DMD: variants seen among roughly 807,000 people sequenced by gnomAD.
DMD encodes dystrophin, also known as mutant dystrophin.
Under a neutral mutation model 330.1 loss-of-function variants are expected in DMD, and 63 were observed. That is an observed-to-expected ratio of 0.19 (90% CI 0.16 to 0.24). The LOEUF (loss-of-function observed/expected upper bound fraction) is 0.24. Among genes scored for constraint, DMD ranks in the 10% least tolerant of loss-of-function variants. The pLI, the probability that DMD is intolerant of heterozygous loss-of-function variation, is 1.00. For synonymous variants in DMD, 1,223 were observed against 959.8 expected (o/e 1.27, Z -5.07); for missense variants, 3,344 against 2,684.1 (o/e 1.25, Z -5.43).
chrX:31,542,188 G>A (rs1437862325), intron 55 of DMD, among the ~76,000 whole-genome samples: 2 of 111,795 alleles, frequency 1.8e-5, no homozygotes, highest in African/African-American at 3.3e-5. Context: ...GGACGCTATG[G>A]GGACATAGAT....
At chrX:32,554,931 A>AAGAG (rs1491172703) in intron 16 of DMD, among the ~76,000 whole-genome samples, 2 of 28,969 alleles carry the variant, frequency 6.9e-5, no homozygotes, top group Admixed American at 9.1e-4. Flanking sequence ...GAAAGAAAGA[A>AAGAG]AGAAAGAAAG....
chrX:33,322,407 T>G (rs1441004106), intron 1 of DMD, among the ~76,000 whole-genome samples: 1 of 110,243 alleles, frequency 9.1e-6, no homozygotes, highest in African/African-American at 3.3e-5. Flanking sequence ...GGTGGCCGGT[T>G]GGTAGAGCAC....
At chrX:32,323,188 T>C (rs989696509) in intron 41 of DMD, among the ~76,000 whole-genome samples, 1 of 112,179 alleles carries the variant, frequency 8.9e-6, no homozygotes, top group South Asian at 3.7e-4. Flanking sequence ...GTACTATAAA[T>C]AATCTAGAGA....
intron 21 of DMD, 58 bp from the exon 22 acceptor site, chrX:32,472,367 T>C: frequency 4.4e-6 from 5 of 1,132,508 alleles, no homozygotes; most frequent in African/African-American, 1.8e-5. Context: ...CTTTGCCATG[T>C]TTTCCTAAAT....
chrX:32,369,286 G>T (rs1463895217), intron 34 of DMD, among the ~76,000 whole-genome samples: 1 of 111,476 alleles, frequency 9.0e-6, no homozygotes, highest in East Asian at 2.8e-4. Flanking sequence ...ATAAAAGAAT[G>T]AGTATAATGA....
chrX:31,972,145 G>T (rs1262271180), intron 44 of DMD, among the ~76,000 whole-genome samples: 1 of 111,539 alleles, frequency 9.0e-6, no homozygotes, highest in Non-Finnish European at 1.9e-5. Flanking sequence ...ACAAACATGT[G>T]CAGAGAGTTG....
intron 9 of DMD, among the ~76,000 whole-genome samples, chrX:32,651,034 T>C (rs1341851513): frequency 8.9e-6 from 1 of 112,174 alleles, no homozygotes; most frequent in African/African-American, 3.2e-5. Context: ...ACCAGGTTGT[T>C]TGGATTCCAA....
chrX:32,436,443 T>A (rs963462544), intron 29 of DMD, among the ~76,000 whole-genome samples: 1 of 111,584 alleles, frequency 9.0e-6, no homozygotes, highest in Non-Finnish European at 1.9e-5. Context: ...GTCCAGAAAA[T>A]AAGATAATAC....
chrX:32,031,275 T>C (rs1429843208), intron 44 of DMD, among the ~76,000 whole-genome samples: 1 of 111,339 alleles, frequency 9.0e-6, no homozygotes, highest in East Asian at 2.8e-4. Flanking sequence ...TATTACTTAG[T>C]TCAACGCAAG....
intron 52 of DMD, among the ~76,000 whole-genome samples, chrX:31,707,856 C>A (rs1489916382): frequency 9.2e-6 from 1 of 109,019 alleles, no homozygotes; most frequent in African/African-American, 3.4e-5. Flanking sequence ...CCCTTTAATT[C>A]TATGTGGAAG....
intron 1 of DMD, among the ~76,000 whole-genome samples, chrX:33,038,470 C>T (rs1354471710): frequency 8.9e-6 from 1 of 111,810 alleles, no homozygotes; most frequent in African/African-American, 3.3e-5. Flanking sequence ...ATCCTTTGCA[C>T]TTAATGTTAG....
At position 32,595,811 on chromosome X, in the gene DMD, T is replaced by A. The variant is rs779579215; in HGVS notation, c.1548A>T (p.Val516=). 2 of 1,204,936 alleles carry A rather than the reference T, an allele frequency of 1.7e-6. No homozygotes were observed. Among genetic ancestry groups the A allele is most frequent in the Non-Finnish European group, 2.2e-6 (2 of 889,076 alleles). Residue 516 remains valine, a synonymous_variant, in exon 13 of 79, where the codon GTA becomes GTT. Coordinates refer to ENST00000357033, the MANE Select transcript of DMD (RefSeq NM_004006.3). ...CGTGATCTCCACTAGATTCATCAACTACCACCACCATGTGAGTGAGAGAAT... is the reference window on the plus strand; with the variant it reads ...CGTGATCTCCACTAGATTCATCAACAACCACCACCATGTGAGTGAGAGAAT... The part of the protein sequence containing the change: ...RVNSLTHMVV[V]VDESSGDHAT...
intron 53 of DMD, among the ~76,000 whole-genome samples, chrX:31,662,784 T>C (rs904896513): frequency 8.9e-6 from 1 of 111,858 alleles, no homozygotes; most frequent in Non-Finnish European, 1.9e-5. Flanking sequence ...TGACCATGCC[T>C]CCGGCTTGTC....
intron 30 of DMD, among the ~76,000 whole-genome samples, chrX:32,403,925 C>T (rs2098102127): frequency 8.9e-6 from 1 of 111,884 alleles, no homozygotes; most frequent in African/African-American, 3.2e-5. Context: ...ATCAATAAAG[C>T]AGACTGTAAA....
intron 19 of DMD, among the ~76,000 whole-genome samples, chrX:32,499,817 C>T (rs371308647): frequency 1.3e-4 from 15 of 111,271 alleles, no homozygotes; most frequent in South Asian, 7.5e-4. Flanking sequence ...AGGGGTACTT[C>T]AGGCACTTAA....
At chrX:32,658,772 A>G (rs1198452972) in intron 9 of DMD, among the ~76,000 whole-genome samples, 1 of 111,288 alleles carries the variant, frequency 9.0e-6, no homozygotes, top group African/African-American at 3.3e-5. Flanking sequence ...ACAATGTCTC[A>G]AAGAAATCAT....
intron 48 of DMD, among the ~76,000 whole-genome samples, chrX:31,839,950 C>A (rs780083427): frequency 2.8e-4 from 31 of 111,595 alleles, no homozygotes; most frequent in African/African-American, 9.7e-4. Flanking sequence ...ATTTCCTATA[C>A]AAATCTAAAA....
intron 50 of DMD, among the ~76,000 whole-genome samples, chrX:31,779,923 T>C (rs2090926044): frequency 8.9e-6 from 1 of 112,067 alleles, no homozygotes; most frequent in Non-Finnish European, 1.9e-5. Flanking sequence ...CACACCAGAA[T>C]GGTAGCATGA....
rs770149373 is a variant in DMD at position 32,573,845 on chromosome X, A to G, written c.1604T>C (p.Val535Ala). 3.3e-6 allele frequency: 4 copies of G among 1,199,369 alleles called. No homozygotes were observed. The South Asian group carries it at 5.3e-5, about 16-fold the overall frequency. The change falls in exon 14 of 79, where the codon GTA becomes GCA. Residue 535 changes from valine (V) to alanine (A), a missense_variant and splice_region_variant. Physicochemically the swap from Val to Ala is moderately conservative, Grantham distance 64 (BLOSUM62 0). Transcript: ENST00000357033. ...GATGTTTGCCCATCGATCTCCCAAT[A>G]CCTGGAGAAGAGACAATCAAGCACA... Reference protein sequence around the residue: ...ATAALEEQLKVLGDRWANICR... With the variant: ...ATAALEEQLKALGDRWANICR...
Sources: allele counts gnomAD v4.1 joint callset (sites outside exome capture counted in the v4.1 genomes callset), GRCh38; gene constraint gnomAD v4.1.1; transcripts MANE v1.5; gene names NCBI Gene and HGNC (gene_info 2026-07-23, HGNC 2026-07-21).